UBXN6: variants seen among roughly 807,000 people sequenced by gnomAD.
UBXN6 encodes the protein UBX domain-containing protein 6.
Under a neutral mutation model 51.4 loss-of-function variants are expected in UBXN6, and 44 were observed. The ratio of observed to expected loss-of-function variants is 0.86; its 90% CI spans 0.67 to 1.10. The LOEUF (loss-of-function observed/expected upper bound fraction) is 1.10, where lower values mean the gene tolerates loss of function less well. Ranked by LOEUF, UBXN6 falls within the 50% of genes least tolerant of loss-of-function variation. The probability of loss-of-function intolerance (pLI) is 0.00; values close to 1 mark genes in which losing one functional copy is unlikely to be tolerated. For synonymous variants in UBXN6, 316 were observed against 263.2 expected, an observed-to-expected ratio of 1.20 and a Z score of -1.94; for missense variants, 672 against 596.1, an observed-to-expected ratio of 1.13 and a Z score of -1.32.
In UBXN6 at chr19:4,457,570, C is replaced by T. The variant is rs374440724; in HGVS notation, c.83+45G>A. On this transcript the variant is annotated intron_variant, in intron 1 of 10. Coordinates refer to ENST00000301281, the MANE Select transcript of UBXN6 (RefSeq NM_025241.3). Reference sequence around the variant, plus strand: ...AAGGCCCCAGATCTCTCTCCCCGGCCGTCCCCGCCCCGCAGGGCCTCAAGC... The same window carrying T: ...AAGGCCCCAGATCTCTCTCCCCGGCTGTCCCCGCCCCGCAGGGCCTCAAGC... 20 of 1,549,292 alleles carry T rather than the reference C, an allele frequency of 1.3e-5. No individual in the cohort carries two copies. In the African/African-American group the frequency reaches 2.7e-4, roughly 21 times the overall value.
Position 4,446,183 on chromosome 19 carries a change from G to T in UBXN6, c.1066C>A (p.Arg356=), listed in dbSNP as rs201076191. ...CCGTACACCGCCCCCAGCCGCTCCC[G>T]AGCGTAGAAAGTGCCTGGGGAGTGG... ...GCLLQGTFYA[R]ERLGAVYGFV... Residue 356 remains arginine, a synonymous_variant, in exon 10 of 11, where the codon CGG becomes AGG. Transcript: ENST00000301281. 1.9e-6 allele frequency: 3 copies of T among 1,605,876 alleles called. No homozygotes were observed. Among genetic ancestry groups the T allele is most frequent in the Non-Finnish European group, 1.7e-6 (2 of 1,178,252 alleles).
chr19:4,449,800 C>T (rs1440124534), intron 4 of UBXN6: 2 of 152,052 alleles, frequency 1.3e-5, no homozygotes, highest in Admixed American at 6.6e-5. Context: ...ACAGGTGGGG[C>T]TGAGAAGAAA....
At chr19:4,452,544 C>T in intron 3 of UBXN6, 52 bp from the exon 4 acceptor site, 1 of 1,569,992 alleles carries the variant, frequency 6.4e-7, no homozygotes, top group Non-Finnish European at 8.6e-7. Flanking sequence ...GCCACCCCGA[C>T]CCTCGCCGAG....
At chr19:4,452,848 T>C (rs1029110742) in intron 3 of UBXN6, among the ~76,000 whole-genome samples, 1 of 152,204 alleles carries the variant, frequency 6.6e-6, no homozygotes, top group African/African-American at 2.4e-5. Flanking sequence ...GCGGGCACAG[T>C]GCGCTGGACA....
chr19:4,447,122 C>G (rs1481024126), intron 6 of UBXN6: 5 of 609,814 alleles, frequency 8.2e-6, no homozygotes, highest in South Asian at 5.9e-5. Flanking sequence ...CAGCTCTGCA[C>G]AGAGGAAAGA....
At chr19:4,447,202 C>T (rs1181757610) in intron 6 of UBXN6, 11 of 578,894 alleles carry the variant, frequency 1.9e-5, no homozygotes, top group Middle Eastern at 4.6e-4. Context: ...AGGCTAACAC[C>T]GCCCAGGACC....
chr19:4,447,819 C>T lies in UBXN6; in HGVS notation c.540-194G>A, dbSNP rs573870624. 3.0e-5 allele frequency: 18 copies of T among 603,662 alleles called. No individual in the cohort carries two copies. The East Asian group carries it at 5.2e-4, about 17-fold the overall frequency. The allele number at this position is 603,662 out of a possible 1,614,324, so 37.4% of individuals were successfully genotyped here. A position where few individuals can be genotyped will look rare whatever the true frequency, so the allele number is the denominator to read the frequency against. On this transcript the variant is annotated intron_variant, in intron 5 of 10. Transcript: ENST00000301281. ...CCTCGGACACCCCATGGAGCCCACC[C>T]CTGGTGCCAGCAGGAGCCCCACGGA...
Position 4,446,151 on chromosome 19 carries a change from G to A in UBXN6, c.1098C>T (p.Val366=), listed in dbSNP as rs1436732683. 6.2e-7 allele frequency: 1 copy of A among 1,610,998 alleles called. No homozygotes were observed. Among genetic ancestry groups the A allele is most frequent in the Non-Finnish European group, 8.5e-7 (1 of 1,179,726 alleles). Residue 366 remains valine, a synonymous_variant, in exon 10 of 11, where the codon GTC becomes GTT. Transcript: ENST00000301281. ...GCCAGTCGCTCTGCAGGGCCTCCCG[G>A]ACGAACCCGTACACCGCCCCCAGCC... The part of the protein sequence containing the change: ...RERLGAVYGF[V]REALQSDWLP...
Position 4,445,149 on chromosome 19 carries a change from A to C in UBXN6, c.*349T>G. On this transcript the variant is annotated 3_prime_UTR_variant, in exon 11 of 11. Coordinates refer to ENST00000301281, the MANE Select transcript of UBXN6 (RefSeq NM_025241.3). ...AGGTGCAGCCACTGCCACCCACGGC[A>C]CACGGGAACAGGACCCATGCTGCAG... is the stretch of plus-strand genomic sequence containing the variant. The C allele has an allele frequency of 3.7e-6, 1 of 269,886 alleles. No homozygotes were observed. The highest frequency in any genetic ancestry group is 2.2e-5 in the African/African-American group (1 of 44,714). 16.7% of individuals were successfully genotyped at this position (269,886 alleles called of 1,614,324 possible). A position where few individuals can be genotyped will look rare whatever the true frequency, so the allele number is the denominator to read the frequency against.
chr19:4,447,672 C>T (rs760009900), intron 5 of UBXN6, 47 bp from the exon 6 acceptor site: 11 of 1,598,400 alleles, frequency 6.9e-6, no homozygotes, highest in Non-Finnish European at 9.4e-6. Flanking sequence ...AGGCTGCCCA[C>T]CCGGCCCCTC....
Position 4,445,544 on chromosome 19 carries a change from G to A in UBXN6, c.1280C>T (p.Ser427Phe). The A allele has an allele frequency of 1.2e-6, 2 of 1,613,948 alleles. No homozygotes were observed. The highest frequency in any genetic ancestry group is 1.7e-6 in the Non-Finnish European group (2 of 1,180,012). ...TGACAGGAGCTCGGGTTTCAGGATG[G>A]AGTCCGGCTCGGCCCCCGCGGCCTT... ...DIKAAGAEPDSILKPELLSAI... is the reference protein window; with the variant it reads ...DIKAAGAEPDFILKPELLSAI... The change falls in exon 11 of 11, where the codon TCC (serine) becomes TTC (phenylalanine). Residue 427 changes from serine (S) to phenylalanine (F), a missense_variant. Ser to Phe is a radical substitution (Grantham distance 155). Coordinates refer to ENST00000301281, the MANE Select transcript of UBXN6 (RefSeq NM_025241.3).
intron 5 of UBXN6, 84 bp downstream of exon 5, chr19:4,448,219 AGCAGGTAATGAGGGG>A (rs1974579304): frequency 9.0e-7 from 1 of 1,106,650 alleles, no homozygotes; most frequent in South Asian, 1.4e-5. Context: ...AACCCACCTC[AGCAGGTAATGAGGGG>A]GCCAGAGGGG....
intron 6 of UBXN6, 146 bp from the exon 7 acceptor site, chr19:4,447,066 T>C: frequency 2.7e-6 from 2 of 728,640 alleles, no homozygotes; most frequent in South Asian, 3.5e-5. Context: ...GCCTCAGTGC[T>C]GGATGCAAAC....
chr19:4,457,527 C>G, intron 1 of UBXN6, 88 bp downstream of exon 1: 1 of 1,285,160 alleles, frequency 7.8e-7, no homozygotes, highest in Non-Finnish European at 1.0e-6. Flanking sequence ...TCATCCTCTC[C>G]GATCTCCCGA....
intron 5 of UBXN6, 84 bp from the exon 6 acceptor site, chr19:4,447,709 G>C: frequency 7.2e-7 from 1 of 1,394,602 alleles, no homozygotes; most frequent in Non-Finnish European, 1.0e-6. Context: ...GGTAACAGCA[G>C]CTCAGCCACA....
At position 4,445,205 on chromosome 19, in the gene UBXN6, T is replaced by A. The variant is rs967636097; in HGVS notation, c.*293A>T. On this transcript the variant is annotated 3_prime_UTR_variant, in exon 11 of 11. Transcript: ENST00000301281. ...CTCTCCTGCCCAGGGAGATGCCACG[T>A]GTGTCTGTCCGGCAGCTTCATGACA... is the stretch of plus-strand genomic sequence containing the variant. 7.7e-6 allele frequency: 3 copies of A among 387,102 alleles called. No individual in the cohort carries two copies. The highest frequency in any genetic ancestry group is 4.2e-5 in the African/African-American group (2 of 48,132). The allele number at this position is 387,102 out of a possible 1,614,324, so 24.0% of individuals were successfully genotyped here. A position where few individuals can be genotyped will look rare whatever the true frequency, so the allele number is the denominator to read the frequency against.
rs749832706 is a variant in UBXN6, at chr19:4,446,203, G to A, written c.1052-6C>T. The A allele has an allele frequency of 5.5e-5, 88 of 1,597,834 alleles. No homozygotes were observed. The highest frequency in any genetic ancestry group is 7.3e-5 in the Non-Finnish European group (86 of 1,175,372). On this transcript the variant is annotated splice_polypyrimidine_tract_variant and splice_region_variant and intron_variant, in intron 9 of 10. Coordinates refer to ENST00000301281, the MANE Select transcript of UBXN6 (RefSeq NM_025241.3). ...CTCCCGAGCGTAGAAAGTGCCTGGG[G>A]AGTGGGGGAGTCAGAGCGGGTGGGG...
At chr19:4,449,300 T>A (rs1420593340) in intron 4 of UBXN6, 1 of 152,780 alleles carries the variant, frequency 6.5e-6, no homozygotes, top group Non-Finnish European at 1.5e-5. Context: ...TGTGTCAGGA[T>A]TCGGGCCACC....
At chr19:4,456,697 G>T (rs913963127) in intron 1 of UBXN6, among the ~76,000 whole-genome samples, 1 of 152,100 alleles carries the variant, frequency 6.6e-6, no homozygotes, top group African/African-American at 2.4e-5. Flanking sequence ...CCGGAAGCCT[G>T]CCCGGCATCT....
Sources: allele counts gnomAD v4.1 joint callset (sites outside exome capture counted in the v4.1 genomes callset), GRCh38; gene constraint gnomAD v4.1.1; transcripts MANE v1.5; gene names NCBI Gene and HGNC (gene_info 2026-07-23, HGNC 2026-07-21).